The following SGCD variants were observed in gnomAD, a reference collection of about 807,000 sequenced individuals.
SGCD encodes sarcoglycan delta, also known as delta-sarcoglycan.
In SGCD, 18 loss-of-function variants were observed where a neutral mutation model predicts 36.6. The ratio of observed to expected loss-of-function variants is 0.49; its 90% CI spans 0.34 to 0.73. The LOEUF is 0.73. SGCD is among the 30% of genes least tolerant of loss of function. The pLI, the probability that SGCD is intolerant of heterozygous loss-of-function variation, is 0.01. For synonymous variants in SGCD, 133 were observed against 130.6 expected (o/e 1.02, Z -0.12); for missense variants, 387 against 346.7 (o/e 1.12, Z -0.92).
intron 3 of SGCD, among the ~76,000 whole-genome samples, chr5:156,423,093 G>T (rs920464840): frequency 2.2e-5 from 3 of 134,346 alleles, no homozygotes; most frequent in Non-Finnish European, 4.8e-5. Flanking sequence ...TTTCACGAGG[G>T]TCATTAGAAA....
intron 3 of SGCD, among the ~76,000 whole-genome samples, chr5:156,478,612 G>T (rs111703649): frequency 2.0e-5 from 3 of 152,070 alleles, no homozygotes; most frequent in Non-Finnish European, 2.9e-5. Flanking sequence ...ACAGAGTCTC[G>T]CTGTGTCTCC....
At chr5:156,041,984 G>A (rs1030010004) in intron 1 of SGCD, among the ~76,000 whole-genome samples, 1 of 152,100 alleles carries the variant, frequency 6.6e-6, no homozygotes, top group Non-Finnish European at 1.5e-5. Context: ...GGTATAAAGA[G>A]CTTGATCAAA....
intron 3 of SGCD, among the ~76,000 whole-genome samples, chr5:156,288,731 A>G (rs913179651): frequency 1.4e-4 from 22 of 151,770 alleles, no homozygotes; most frequent in East Asian, 1.4e-3. Flanking sequence ...TTTTCCTGAC[A>G]TTTTTCAGAT....
chr5:155,941,209 A>G (rs1455869992), intron 1 of SGCD, among the ~76,000 whole-genome samples: 2 of 152,222 alleles, frequency 1.3e-5, no homozygotes, highest in African/African-American at 2.4e-5. Context: ...AATGACGTTA[A>G]TCAATTCATA....
intron 1 of SGCD, among the ~76,000 whole-genome samples, chr5:156,017,458 G>A (rs1384678223): frequency 6.6e-6 from 1 of 151,732 alleles, no homozygotes; most frequent in African/African-American, 2.4e-5. Context: ...CCTCTAGCTT[G>A]TATAGTTTCA....
chr5:156,703,942 C>A (rs573696209), intron 7 of SGCD: 1 of 152,150 alleles, frequency 6.6e-6, no homozygotes, highest in South Asian at 2.1e-4. Context: ...TGTCATATAC[C>A]ACTGAGGGAG....
chr5:156,115,084 A>G (rs1433667921), intron 1 of SGCD, among the ~76,000 whole-genome samples: 1 of 152,114 alleles, frequency 6.6e-6, no homozygotes, highest in Non-Finnish European at 1.5e-5. Context: ...TTTGCTTCCT[A>G]GTTGTTTAAA....
At chr5:156,239,281 T>C (rs866611792) in intron 3 of SGCD, among the ~76,000 whole-genome samples, 1 of 150,522 alleles carries the variant, frequency 6.6e-6, no homozygotes, top group African/African-American at 2.5e-5. Context: ...GTGCCTGTAA[T>C]CCCAGCTACT....
chr5:156,561,787 G>A (rs1759276733), intron 4 of SGCD, among the ~76,000 whole-genome samples: 1 of 152,094 alleles, frequency 6.6e-6, no homozygotes, highest in African/African-American at 2.4e-5. Flanking sequence ...TGGTCTTATG[G>A]AAAGAAGGCT....
chr5:156,441,578 T>C (rs1753493279), intron 3 of SGCD, among the ~76,000 whole-genome samples: 1 of 152,206 alleles, frequency 6.6e-6, no homozygotes, highest in Non-Finnish European at 1.5e-5. Flanking sequence ...CAACATTTCT[T>C]CTCTATTAGT....
intron 1 of SGCD, among the ~76,000 whole-genome samples, chr5:155,950,594 A>G (rs1404826128): frequency 6.6e-6 from 1 of 152,188 alleles, no homozygotes; most frequent in Non-Finnish European, 1.5e-5. Flanking sequence ...AGATATGATT[A>G]AGAAGGAGGC....
the SGCD span, among the ~76,000 whole-genome samples, chr5:155,727,933 C>T: frequency 6.6e-6 from 1 of 152,210 alleles, no homozygotes; most frequent in African/African-American, 2.4e-5. Flanking sequence ...TACTAGAAAC[C>T]TGTCCCCTTG....
intron 3 of SGCD, among the ~76,000 whole-genome samples, chr5:156,501,121 A>G (rs1306382921): frequency 6.6e-6 from 1 of 152,148 alleles, no homozygotes; most frequent in African/African-American, 2.4e-5. Context: ...TCCTCGGGAC[A>G]CTGGCAGGAA....
intron 3 of SGCD, among the ~76,000 whole-genome samples, chr5:156,445,571 G>A (rs1372644682): frequency 6.6e-6 from 1 of 152,130 alleles, no homozygotes; most frequent in Non-Finnish European, 1.5e-5. Context: ...GTGATTATAA[G>A]TGTGGTCTAA....
intron 3 of SGCD, among the ~76,000 whole-genome samples, chr5:156,221,857 A>G (rs1216311014): frequency 1.3e-5 from 2 of 152,100 alleles, no homozygotes; most frequent in African/African-American, 4.8e-5. Context: ...TTAAGTTTCA[A>G]AGAGGTTAAA....
intron 3 of SGCD, among the ~76,000 whole-genome samples, chr5:156,456,754 A>T (rs554253193): frequency 1.3e-5 from 2 of 152,144 alleles, no homozygotes; most frequent in African/African-American, 4.8e-5. Flanking sequence ...CACAACCATA[A>T]GATTATAAAT....
At chr5:156,619,353 G>T (rs1389459792) in intron 6 of SGCD, among the ~76,000 whole-genome samples, 2 of 152,186 alleles carry the variant, frequency 1.3e-5, no homozygotes, top group Non-Finnish European at 2.9e-5. Flanking sequence ...ATTTAACAAG[G>T]GAGGGAGATG....
intron 3 of SGCD, among the ~76,000 whole-genome samples, chr5:156,196,616 C>T (rs62380740): frequency 6.6e-6 from 1 of 152,128 alleles, no homozygotes; most frequent in African/African-American, 2.4e-5. Context: ...GTTTGGAGAT[C>T]AATAAAGTTG....
intron 3 of SGCD, among the ~76,000 whole-genome samples, chr5:156,362,944 T>G (rs897898441): frequency 4.6e-5 from 7 of 152,182 alleles, no homozygotes; most frequent in African/African-American, 1.7e-4. Context: ...AAATATGGCT[T>G]TACATCTGGG....
Sources: allele counts gnomAD v4.1 joint callset (sites outside exome capture counted in the v4.1 genomes callset), GRCh38; gene constraint gnomAD v4.1.1; transcripts MANE v1.5; gene names NCBI Gene and HGNC (gene_info 2026-07-23, HGNC 2026-07-21).